Variants in TMSB15B observed in about 807,000 individuals in gnomAD.
TMSB15B encodes thymosin beta-15B.
At chrX:103,929,949 T>C (rs1212215400) in intron 1 of TMSB15B, among the ~76,000 whole-genome samples, 14 of 110,686 alleles carry the variant, frequency 1.3e-4, no homozygotes, top group Non-Finnish European at 2.3e-4. Flanking sequence ...ACATGTGCCA[T>C]GCTGGTGTGC....
intron 1 of TMSB15B, among the ~76,000 whole-genome samples, chrX:103,927,718 G>T (rs1390710706): frequency 9.7e-6 from 1 of 102,835 alleles, no homozygotes; most frequent in Non-Finnish European, 2.0e-5. Context: ...GTAGTTTATA[G>T]AATGCACAGT....
intron 1 of TMSB15B, among the ~76,000 whole-genome samples, chrX:103,943,955 T>A (rs1490131782): frequency 8.9e-6 from 1 of 112,152 alleles, no homozygotes; most frequent in Non-Finnish European, 1.9e-5. Flanking sequence ...AAATCATAGA[T>A]GTCTCAGAAT....
At chrX:103,954,879 G>A (rs1222162755) in intron 1 of TMSB15B, among the ~76,000 whole-genome samples, 2 of 111,739 alleles carry the variant, frequency 1.8e-5, no homozygotes, top group African/African-American at 6.5e-5. Context: ...TGCCCACAGG[G>A]AGGCAGGCAC....
chrX:103,940,374 GA>G (rs1189118036), intron 1 of TMSB15B, among the ~76,000 whole-genome samples: 3 of 112,348 alleles, frequency 2.7e-5, no homozygotes, highest in Non-Finnish European at 5.6e-5. Context: ...GGAATCTAGA[GA>G]GGCAATCTGG....
chrX:103,937,525 A>AT (rs1208020849), intron 1 of TMSB15B, among the ~76,000 whole-genome samples: 6 of 111,451 alleles, frequency 5.4e-5, no homozygotes, highest in Non-Finnish European at 1.1e-4. Flanking sequence ...CCCCTTTGCC[A>AT]TTTTTTATTG....
Position 103,940,590 on chromosome X carries a change from T to TG in TMSB15B, c.-721+21301dup, listed in dbSNP as rs2075010099. Among the ~76,000 whole-genome samples, 3 of 111,325 alleles carry TG rather than the reference T, an allele frequency of 2.7e-5. No homozygotes were observed. In the South Asian group the frequency reaches 1.2e-3, roughly 44 times the overall value. On this transcript the variant is annotated intron_variant, in intron 1 of 3. Coordinates refer to the TMSB15B transcript ENST00000419165. ...TTCAAGCCAGTGGATGTTAGCTTGC[T>TG]GGGCTCCATGAGGCTGGGATCCGCT...
chrX:103,928,661 G>C, intron 1 of TMSB15B: 4 of 1,155,255 alleles, frequency 3.5e-6, no homozygotes, highest in Non-Finnish European at 4.7e-6. Flanking sequence ...AGCCTGGGGA[G>C]CACTCTATAT....
intron 1 of TMSB15B, among the ~76,000 whole-genome samples, chrX:103,926,882 C>G (rs1164256905): frequency 9.1e-6 from 1 of 110,075 alleles, no homozygotes; most frequent in East Asian, 2.9e-4. Context: ...GTCCCTCCCC[C>G]TCTCCCCTGT....
intron 1 of TMSB15B, chrX:103,931,201 AT>A (rs2074984003): frequency 8.9e-6 from 1 of 111,968 alleles, no homozygotes; most frequent in Non-Finnish European, 1.9e-5. Flanking sequence ...CAACTTGTGG[AT>A]TCAAGGAAGT....
At chrX:103,926,035 C>T (rs2074967039) in intron 1 of TMSB15B, among the ~76,000 whole-genome samples, 1 of 111,075 alleles carries the variant, frequency 9.0e-6, no homozygotes, top group African/African-American at 3.3e-5. Flanking sequence ...GTGGGGCTGC[C>T]AGGGGCTAGA....
intron 1 of TMSB15B, among the ~76,000 whole-genome samples, chrX:103,925,413 T>C (rs1389279178): frequency 4.4e-5 from 5 of 112,652 alleles, no homozygotes; most frequent in African/African-American, 1.6e-4. Flanking sequence ...GTGAGATGTT[T>C]CTCAATTATT....
chrX:103,928,445 A>G lies in TMSB15B; in HGVS notation c.-721+9153A>G, dbSNP rs1315037076. The G allele has an allele frequency of 3.2e-5, 38 of 1,202,300 alleles. 1 individual carries two copies. The Admixed American group carries it at 4.6e-4, about 15-fold the overall frequency. ...GTTGGGCCACACACCCTGGGACGCC[A>G]CTGGGCTGCAGGGATCATGTCTGGC... is the stretch of plus-strand genomic sequence containing the variant. On this transcript the variant is annotated intron_variant, in intron 1 of 3. Transcript: ENST00000419165.
At chrX:103,955,965 G>A (rs1556329082) in intron 1 of TMSB15B, among the ~76,000 whole-genome samples, 1 of 110,927 alleles carries the variant, frequency 9.0e-6, no homozygotes, top group African/African-American at 3.3e-5. Flanking sequence ...AACCCTAGAA[G>A]CCAGAAGAGA....
At chrX:103,927,390 C>T (rs2074971300) in intron 1 of TMSB15B, among the ~76,000 whole-genome samples, 1 of 112,152 alleles carries the variant, frequency 8.9e-6, no homozygotes, top group Non-Finnish European at 1.9e-5. Flanking sequence ...AAACCCTGCT[C>T]TATTATATAG....
At chrX:103,936,076 C>T (rs1432032809) in intron 1 of TMSB15B, among the ~76,000 whole-genome samples, 1 of 110,515 alleles carries the variant, frequency 9.0e-6, no homozygotes, top group Non-Finnish European at 1.9e-5. Flanking sequence ...GAACTCCCCA[C>T]CTCAGGTAAT....
intron 1 of TMSB15B, among the ~76,000 whole-genome samples, chrX:103,930,556 T>C (rs2074981816): frequency 9.1e-6 from 1 of 110,372 alleles, no homozygotes; most frequent in South Asian, 3.9e-4. Context: ...ATTGGTCGAA[T>C]TACTGAATTG....
rs781998264 is a variant in TMSB15B, at chrX:103,936,546, G to T, written c.-721+17254G>T. ...TGCTTATCAGCTTAAGGAGTTTATG[G>T]GCTGAGACCATGGGGTTTCTAAATA... is the stretch of plus-strand genomic sequence containing the variant. On this transcript the variant is annotated intron_variant, in intron 1 of 3. Coordinates refer to the TMSB15B transcript ENST00000419165. Among the ~76,000 whole-genome samples the T allele has an allele frequency of 9.8e-5, 11 of 111,844 alleles. No homozygotes were observed. The South Asian group carries it at 4.2e-3, about 42-fold the overall frequency.
At chrX:103,930,766 T>A (rs1556319834) in intron 1 of TMSB15B, among the ~76,000 whole-genome samples, 149 of 102,946 alleles carry the variant, frequency 1.4e-3, no homozygotes, top group Admixed American at 4.3e-3. Context: ...ATAATAATAA[T>A]AAATTACTTT....
At chrX:103,938,960 T>C (rs1556322962) in intron 1 of TMSB15B, among the ~76,000 whole-genome samples, 1 of 112,352 alleles carries the variant, frequency 8.9e-6, no homozygotes, top group African/African-American at 3.2e-5. Flanking sequence ...ATTATTTTCT[T>C]TAAGAATGTT....
Sources: allele counts gnomAD v4.1 joint callset (sites outside exome capture counted in the v4.1 genomes callset), GRCh38; gene constraint gnomAD v4.1.1; transcripts MANE v1.5; gene names NCBI Gene and HGNC (gene_info 2026-07-23, HGNC 2026-07-21).